ARHGAP45: variants seen among roughly 807,000 people sequenced by gnomAD.
ARHGAP45 encodes the protein rho GTPase-activating protein 45.
In ARHGAP45, 56 loss-of-function variants were observed where a neutral mutation model predicts 116.1. The ratio of observed to expected loss-of-function variants is 0.48; its 90% CI spans 0.39 to 0.60. The LOEUF (loss-of-function observed/expected upper bound fraction) is 0.60, where lower values mean the gene tolerates loss of function less well. Among genes scored for constraint, ARHGAP45 ranks in the 20% least tolerant of loss-of-function variants. The probability of loss-of-function intolerance (pLI) is 0.00; values close to 1 mark genes in which losing one functional copy is unlikely to be tolerated. For missense variants in ARHGAP45, 1,622 were observed against 1,601.0 expected, an observed-to-expected ratio of 1.01 and a Z score of -0.22; for synonymous variants, 866 against 701.7, an observed-to-expected ratio of 1.23 and a Z score of -3.70.
At position 1,082,863 on chromosome 19, in the gene ARHGAP45, C is replaced by A; in HGVS notation, c.2541C>A (p.Phe847Leu). Residue 847 changes from phenylalanine (F) to leucine (L), a missense_variant, in exon 20 of 23, where the codon TTC (phenylalanine) becomes TTA (leucine). Around this residue, in one of 3 missense-constraint regions of ARHGAP45, gnomAD observed 1,334 missense variants for 1,263.8 expected, o/e 1.06. Transcript: ENST00000313093. ...LRQLPEPLIS[F>L]RLYHELVGLA... The stretch of plus-strand genomic sequence containing the variant: ...AGCTTCCCGAGCCGCTCATCTCCTT[C>A]CGCCTCTACCACGAGCTCGTAGGGC... 6.4e-7 allele frequency: 1 copy of A among 1,554,136 alleles called. No individual in the cohort carries two copies. The highest frequency in any genetic ancestry group is 2.3e-5 in the East Asian group (1 of 43,812).
At chr19:1,075,900 C>T (rs116941539) in intron 10 of ARHGAP45, among the ~76,000 whole-genome samples, 1 of 152,354 alleles carries the variant, frequency 6.6e-6, no homozygotes, top group East Asian at 1.9e-4. Flanking sequence ...TACCGGCAAA[C>T]ACATATCTGC....
In ARHGAP45 at chr19:1,069,987, T is replaced by C. The variant is rs1385817092; in HGVS notation, c.421+1243T>C. Among the ~76,000 whole-genome samples, 3 of 151,978 alleles carry C rather than the reference T, an allele frequency of 2.0e-5. No homozygotes were observed. Among genetic ancestry groups the C allele is most frequent in the African/African-American group, 4.8e-5 (2 of 41,362 alleles). ...ATGAGCCACTGCACCTGATTTATTT[T>C]ATTTTATTTATTTTATTTGAGATGG... On this transcript the variant is annotated intron_variant, in intron 2 of 22. Coordinates refer to ENST00000313093, the MANE Select transcript of ARHGAP45 (RefSeq NM_012292.5). This position sits in a 1 kb window ranked among gnomAD's most constrained non-coding sequence, Gnocchi z 4.1.
intron 13 of ARHGAP45, 41 bp from the exon 14 acceptor site, chr19:1,080,214 C>G (rs374140445): frequency 4.3e-6 from 7 of 1,610,710 alleles, no homozygotes; most frequent in Non-Finnish European, 5.9e-6. Context: ...GCTGTCTTGC[C>G]CCCCATCACC....
chr19:1,077,736 C>T, intron 10 of ARHGAP45, 121 bp from the exon 11 acceptor site: 8 of 1,526,294 alleles, frequency 5.2e-6, no homozygotes, highest in African/African-American at 4.1e-5. Flanking sequence ...CTCTGCATGC[C>T]CAGCTGGGCC....
In ARHGAP45 at chr19:1,068,825, G is replaced by A. The variant is rs1446295365; in HGVS notation, c.421+81G>A. 2.2e-6 allele frequency: 3 copies of A among 1,361,150 alleles called. No individual in the cohort carries two copies. The highest frequency in any genetic ancestry group is 2.9e-5 in the African/African-American group (2 of 69,144). The allele number at this position is 1,361,150 out of a possible 1,614,324, so 84.3% of individuals were successfully genotyped here. A position where few individuals can be genotyped will look rare whatever the true frequency, so the allele number is the denominator to read the frequency against. On this transcript the variant is annotated intron_variant, in intron 2 of 22. Coordinates refer to ENST00000313093, the MANE Select transcript of ARHGAP45 (RefSeq NM_012292.5). This position sits in a 1 kb window ranked among gnomAD's most constrained non-coding sequence, Gnocchi z 7.5. ...AGGATGGAGGGAGGGACTTGGGGAG[G>A]CTCAGAAGGGAGGGAGGCTCAGATG...
At position 1,071,716 on chromosome 19, in the gene ARHGAP45, G is replaced by C. The variant is rs1378974287; in HGVS notation, c.422-1433G>C. 6.6e-6 allele frequency: 1 copy of C among 152,340 alleles called. No individual in the cohort carries two copies. The highest frequency in any genetic ancestry group is 1.5e-5 in the Non-Finnish European group (1 of 68,190). 9.4% of individuals were successfully genotyped at this position (152,340 alleles called of 1,614,324 possible). Reference sequence around the variant, plus strand: ...CAGCAGCGAAGACATGTTCCGGTCCGGGGTCTCAGGCCCGGCGGCGGCCAG... The same window carrying C: ...CAGCAGCGAAGACATGTTCCGGTCCCGGGTCTCAGGCCCGGCGGCGGCCAG... On this transcript the variant is annotated intron_variant, in intron 2 of 22. Transcript: ENST00000313093. This position sits in a 1 kb window ranked among gnomAD's most constrained non-coding sequence, Gnocchi z 4.6.
rs1455832957 is a variant in ARHGAP45, at chr19:1,068,251, G to T, written c.91-163G>T. The T allele has an allele frequency of 1.7e-6, 1 of 600,940 alleles. No homozygotes were observed. The highest frequency in any genetic ancestry group is 2.1e-5 in the South Asian group (1 of 47,026). The allele number at this position is 600,940 out of a possible 1,614,324, so 37.2% of individuals were successfully genotyped here. A position where few individuals can be genotyped will look rare whatever the true frequency, so the allele number is the denominator to read the frequency against. On this transcript the variant is annotated intron_variant, in intron 1 of 22. Coordinates refer to ENST00000313093, the MANE Select transcript of ARHGAP45 (RefSeq NM_012292.5). The surrounding 1 kb of genome is among the most constrained non-coding windows in gnomAD (Gnocchi z 7.5). Reference sequence around the variant, plus strand: ...GGAAGAGGATGTTGGGTAACAGGTGGGGGGGTACACTACCAAATCTCGGCC... The same window carrying T: ...GGAAGAGGATGTTGGGTAACAGGTGTGGGGGTACACTACCAAATCTCGGCC...
chr19:1,067,306 G>A lies in ARHGAP45; in HGVS notation c.-100G>A. 1 of 1,429,462 alleles carries A rather than the reference G, an allele frequency of 7.0e-7. No homozygotes were observed. The highest frequency in any genetic ancestry group is 9.1e-7 in the Non-Finnish European group (1 of 1,093,284). 88.5% of individuals were successfully genotyped at this position (1,429,462 alleles called of 1,614,324 possible). A position where few individuals can be genotyped will look rare whatever the true frequency, so the allele number is the denominator to read the frequency against. ...CACGTGGGCCTGACAGCTGGGGAGG[G>A]GGTGGCCGGCGACAATGTGGTCCCG... On this transcript the variant is annotated 5_prime_UTR_variant, in exon 1 of 23. Coordinates refer to ENST00000313093, the MANE Select transcript of ARHGAP45 (RefSeq NM_012292.5).
intron 2 of ARHGAP45, among the ~76,000 whole-genome samples, chr19:1,070,248 C>T (rs1240545347): frequency 6.6e-6 from 1 of 151,944 alleles, no homozygotes; most frequent in Non-Finnish European, 1.5e-5. Context: ...CATGCCTCAG[C>T]CTCCCAAAGT....
At position 1,068,914 on chromosome 19, in the gene ARHGAP45, G is replaced by A. The variant is rs1365809522; in HGVS notation, c.421+170G>A. ...GCTCTGAGGGATGTGTAGGAGTTTG[G>A]TGGGGGAGTCCCTGAGCGTACACTG... On this transcript the variant is annotated intron_variant, in intron 2 of 22. Transcript: ENST00000313093. This position sits in a 1 kb window ranked among gnomAD's most constrained non-coding sequence, Gnocchi z 7.5. Among the ~76,000 whole-genome samples the A allele has an allele frequency of 6.6e-6, 1 of 152,072 alleles. No homozygotes were observed. The highest frequency in any genetic ancestry group is 2.4e-5 in the African/African-American group (1 of 41,378).
In ARHGAP45 at chr19:1,082,052, A is replaced by G. The variant is rs375426507; in HGVS notation, c.2517+91A>G. The G allele has an allele frequency of 2.2e-4, 262 of 1,218,308 alleles. 1 individual carries two copies. In the African/African-American group the frequency reaches 3.4e-3, roughly 16 times the overall value. 75.5% of individuals were successfully genotyped at this position (1,218,308 alleles called of 1,614,324 possible). ...GTGGGGGTCCGGGAGCTGGAGCAGG[A>G]CTGAGCTGGAGCAGGACTGGCGCAA... On this transcript the variant is annotated intron_variant, in intron 19 of 22. Transcript: ENST00000313093.
At chr19:1,077,733 T>A in intron 10 of ARHGAP45, 124 bp from the exon 11 acceptor site, 7 of 1,525,752 alleles carry the variant, frequency 4.6e-6, no homozygotes, top group Non-Finnish European at 6.2e-6. Flanking sequence ...GTCCTCTGCA[T>A]GCCCAGCTGG....
intron 1 of ARHGAP45, chr19:1,067,707 C>T (rs2043064817): frequency 8.5e-6 from 6 of 702,744 alleles, no homozygotes; most frequent in Non-Finnish European, 1.6e-5. Context: ...CCGCCTCCCT[C>T]CACTCCATCC....
rs115076714 is a variant in ARHGAP45, at chr19:1,080,598, A to G, written c.1912+51A>G. 3,043 of 1,607,520 alleles carry G rather than the reference A, an allele frequency of 1.9e-3. 59 individuals carry two copies. The African/African-American group carries it at 0.035, about 18-fold the overall frequency. On this transcript the variant is annotated intron_variant, in intron 15 of 22. Transcript: ENST00000313093. The stretch of plus-strand genomic sequence containing the variant: ...GGGTGTGGAGCTGCCTCCTCTCCTG[A>G]GCCTCAGGGTTTCATCACCCACCGG...
At position 1,067,199 on chromosome 19, in the gene ARHGAP45, G is replaced by A. The variant is rs1192826586; in HGVS notation, c.-207G>A. On this transcript the variant is annotated 5_prime_UTR_variant, in exon 1 of 23. Coordinates refer to ENST00000313093, the MANE Select transcript of ARHGAP45 (RefSeq NM_012292.5). The stretch of plus-strand genomic sequence containing the variant: ...AGAGCCGCAGGCTGAGGCCGGGAAG[G>A]GTCGGGGGCGAGGCCGCGTCGCCGC... 3.0e-6 allele frequency: 4 copies of A among 1,349,034 alleles called. No homozygotes were observed. The highest frequency in any genetic ancestry group is 3.1e-5 in the East Asian group (1 of 32,092). 83.6% of individuals were successfully genotyped at this position (1,349,034 alleles called of 1,614,324 possible). A position where few individuals can be genotyped will look rare whatever the true frequency, so the allele number is the denominator to read the frequency against.
chr19:1,073,567 G>T lies in ARHGAP45; in HGVS notation c.627G>T (p.Thr209=), dbSNP rs533802289. 2 of 1,613,958 alleles carry T rather than the reference G, an allele frequency of 1.2e-6. No individual in the cohort carries two copies. Among genetic ancestry groups the T allele is most frequent in the East Asian group, 2.2e-5 (1 of 44,882 alleles). Residue 209 remains threonine (T), a synonymous_variant, in exon 4 of 23, where the codon ACG becomes ACT. Coordinates refer to ENST00000313093, the MANE Select transcript of ARHGAP45 (RefSeq NM_012292.5). The part of the protein sequence containing the change: ...EKQEFEKALE[T]IAVAFSSTVS... ...AGGAGTTCGAGAAGGCCCTGGAGACGATTGCTGTGGCCTTCAGTAGCACGT... is the reference window on the plus strand; with the variant it reads ...AGGAGTTCGAGAAGGCCCTGGAGACTATTGCTGTGGCCTTCAGTAGCACGT...
In ARHGAP45 at chr19:1,068,104, G is replaced by C. The variant is rs999529806; in HGVS notation, c.91-310G>C. Among the ~76,000 whole-genome samples, 4 of 151,962 alleles carry C rather than the reference G, an allele frequency of 2.6e-5. No homozygotes were observed. The highest frequency in any genetic ancestry group is 5.9e-5 in the Non-Finnish European group (4 of 67,970). On this transcript the variant is annotated intron_variant, in intron 1 of 22. Coordinates refer to ENST00000313093, the MANE Select transcript of ARHGAP45 (RefSeq NM_012292.5). This position sits in a 1 kb window ranked among gnomAD's most constrained non-coding sequence, Gnocchi z 7.5. ...CCTGCGTTGTAGGAGCCTGAGGGGGGCTTGAAGGGCTGAGGACCCTCCCCA... is the reference window on the plus strand; with the variant it reads ...CCTGCGTTGTAGGAGCCTGAGGGGGCCTTGAAGGGCTGAGGACCCTCCCCA...
intron 1 of ARHGAP45, 59 bp downstream of exon 1, chr19:1,067,554 C>T (rs2043061376): frequency 6.9e-7 from 1 of 1,449,168 alleles, no homozygotes. Flanking sequence ...GACAGGGACC[C>T]GCCCTGTGCT....
upstream of ARHGAP45, among the ~76,000 whole-genome samples, chr19:1,066,918 G>A (rs905149): frequency 0.79 from 119,865 of 151,940 alleles, 47,396 homozygotes; most frequent in South Asian, 0.9. Flanking sequence ...AGGCTCCAGG[G>A]GCTTGGTGGC....
Sources: gnomAD v4.1 joint callset for allele counts (sites outside exome capture counted in the v4.1 genomes callset) on GRCh38, gnomAD v4.1.1 for gene constraint, gnomAD v4.1.1 regional missense constraint, Gnocchi (gnomAD v3.1) non-coding constraint, MANE v1.5 for transcripts, NCBI Gene and HGNC (gene_info 2026-07-23, HGNC 2026-07-21) for gene names.